Variants in CAV2 observed in about 807,000 individuals in gnomAD.
The protein encoded by CAV2 is caveolin 2, also known as caveolin-2.
In CAV2, 7 loss-of-function variants were observed where a neutral mutation model predicts 15.5. That is an observed-to-expected ratio of 0.45 (90% CI 0.26 to 0.85). CAV2 has a LOEUF of 0.85. Among genes scored for constraint, CAV2 ranks in the 40% least tolerant of loss-of-function variants. The probability of loss-of-function intolerance (pLI) is 0.18; values close to 1 mark genes in which losing one functional copy is unlikely to be tolerated. For missense variants in CAV2, 229 were observed against 208.8 expected (o/e 1.10, Z -0.60); for synonymous variants, 76 against 83.1 (o/e 0.91, Z 0.46).
intron 2 of CAV2, chr7:116,501,395 C>A (rs1793101292): frequency 6.6e-6 from 1 of 152,328 alleles, no homozygotes; most frequent in Non-Finnish European, 1.5e-5. Flanking sequence ...CCCAAGGTAC[C>A]TCCGTGTCTT....
rs1016582256 is a variant in CAV2 at position 116,508,533 on chromosome 7, A to G, written c.*2412A>G. The G allele has an allele frequency of 2.6e-5, 4 of 152,214 alleles. No individual in the cohort carries two copies. The highest frequency in any genetic ancestry group is 4.4e-5 in the Non-Finnish European group (3 of 68,038). The allele number at this position is 152,214 out of a possible 1,614,324, so 9.4% of individuals were successfully genotyped here. On this transcript the variant is annotated 3_prime_UTR_variant, in exon 3 of 3. Transcript: ENST00000222693. ...TCTCGGAATTCATAATAAATTTTCT[A>G]AAAGCCTACAAATGTGTGTATTGCT...
In CAV2 at chr7:116,506,160, T is replaced by C. The variant is rs1352698288; in HGVS notation, c.*39T>C. 1 of 1,602,696 alleles carries C rather than the reference T, an allele frequency of 6.2e-7. No homozygotes were observed. Among genetic ancestry groups the C allele is most frequent in the Non-Finnish European group, 8.5e-7 (1 of 1,170,300 alleles). On this transcript the variant is annotated 3_prime_UTR_variant, in exon 3 of 3. Transcript: ENST00000222693. ...AGGTCTGGAGATTGGGATACTGTAA[T>C]ACTTCTTTGTTATTATAACATAAAA...
chr7:116,505,396 C>G (rs960789918), intron 2 of CAV2, among the ~76,000 whole-genome samples: 3 of 152,260 alleles, frequency 2.0e-5, no homozygotes, highest in African/African-American at 7.2e-5. Context: ...ATTTTTTGTG[C>G]ATCTTATCAC....
rs1372688774 is a variant in CAV2 at position 116,500,526 on chromosome 7, T to C, written c.338+79T>C. ...CGCCACCTGCCCCCTACTCTCCTCTTATCCCAGGCCGGCGTCAGGAGGAGG... is the reference window on the plus strand; with the variant it reads ...CGCCACCTGCCCCCTACTCTCCTCTCATCCCAGGCCGGCGTCAGGAGGAGG... On this transcript the variant is annotated intron_variant, in intron 2 of 2. Transcript: ENST00000222693. 3.9e-5 allele frequency: 54 copies of C among 1,401,518 alleles called. 1 individual carries two copies. The highest frequency in any genetic ancestry group is 7.8e-6 in the Non-Finnish European group (8 of 1,019,644). The allele number at this position is 1,401,518 out of a possible 1,614,324, so 86.8% of individuals were successfully genotyped here.
chr7:116,507,815 G>T lies in CAV2; in HGVS notation c.*1694G>T, dbSNP rs1028774716. On this transcript the variant is annotated 3_prime_UTR_variant, in exon 3 of 3. Coordinates refer to ENST00000222693, the MANE Select transcript of CAV2 (RefSeq NM_001233.5). Reference sequence around the variant, plus strand: ...AAAGTGTGTAAATGCTTAAATTTCAGAATTACCATCAGAACCTCAATTGAC... The same window carrying T: ...AAAGTGTGTAAATGCTTAAATTTCATAATTACCATCAGAACCTCAATTGAC... 3.3e-5 allele frequency: 5 copies of T among 152,100 alleles called. No individual in the cohort carries two copies. The East Asian group carries it at 5.8e-4, about 18-fold the overall frequency. 9.4% of individuals were successfully genotyped at this position (152,100 alleles called of 1,614,324 possible).
Position 116,506,546 on chromosome 7 carries a change from T to C in CAV2, c.*425T>C, listed in dbSNP as rs1422507387. On this transcript the variant is annotated 3_prime_UTR_variant, in exon 3 of 3. Transcript: ENST00000222693. ...TGGGAGTAATACTTTTTAAATTACC[T>C]TTACATATATAGTCACTGGCATACT... The C allele has an allele frequency of 6.4e-6, 1 of 156,396 alleles. No homozygotes were observed. The highest frequency in any genetic ancestry group is 1.4e-5 in the Non-Finnish European group (1 of 70,982). 9.7% of individuals were successfully genotyped at this position (156,396 alleles called of 1,614,324 possible).
chr7:116,505,619 T>C (rs1793214925), intron 2 of CAV2, among the ~76,000 whole-genome samples: 1 of 152,092 alleles, frequency 6.6e-6, no homozygotes, highest in Non-Finnish European at 1.5e-5. Flanking sequence ...AGAGAGAGAA[T>C]GTGGAGGTCC....
In CAV2 at chr7:116,500,300, A is replaced by G; in HGVS notation, c.191A>G (p.His64Arg). ...EDVIAEPVTT[H>R]SFDKVWICSH... ...GTGATCGCAGAGCCGGTGACTACGC[A>G]CTCCTTTGACAAAGTGTGGATCTGC... Residue 64 changes from histidine to arginine, a missense_variant, in exon 2 of 3, where the codon CAC (histidine) becomes CGC (arginine). Coordinates refer to ENST00000222693, the MANE Select transcript of CAV2 (RefSeq NM_001233.5). 6.2e-7 allele frequency: 1 copy of G among 1,614,082 alleles called. No individual in the cohort carries two copies. Among genetic ancestry groups the G allele is most frequent in the African/African-American group, 1.3e-5 (1 of 75,028 alleles).
At chr7:116,500,792 G>C (rs1297368945) in intron 2 of CAV2, 1 of 247,650 alleles carries the variant, frequency 4.0e-6, no homozygotes, top group Non-Finnish European at 7.8e-6. Flanking sequence ...CTGCGGTTCT[G>C]GGCAGGACTC....
At chr7:116,500,620 A>G (rs573090027) in intron 2 of CAV2, 173 bp downstream of exon 2, 3 of 610,906 alleles carry the variant, frequency 4.9e-6, no homozygotes, top group Admixed American at 3.1e-5. Context: ...TTCCTTTAGA[A>G]TAACAGTTTG....
At chr7:116,502,619 T>C (rs187153204) in intron 2 of CAV2, among the ~76,000 whole-genome samples, 56 of 152,332 alleles carry the variant, frequency 3.7e-4, no homozygotes, top group African/African-American at 1.3e-3. Flanking sequence ...TATATATTTT[T>C]TAAAGCAGGG....
At position 116,500,250 on chromosome 7, in the gene CAV2, G is replaced by A. The variant is rs1793064900; in HGVS notation, c.151-10G>A. ...TGACAGTTCGGGGTCCCTGCGTCCT[G>A]TCTCCTCAGCTGGGCTTCGAGGATG... On this transcript the variant is annotated splice_polypyrimidine_tract_variant and intron_variant, in intron 1 of 2. Transcript: ENST00000222693. 18 of 1,611,990 alleles carry A rather than the reference G, an allele frequency of 1.1e-5. No homozygotes were observed. The highest frequency in any genetic ancestry group is 1.4e-5 in the Non-Finnish European group (17 of 1,178,834).
At chr7:116,503,343 G>T (rs1365688966) in intron 2 of CAV2, among the ~76,000 whole-genome samples, 4 of 151,914 alleles carry the variant, frequency 2.6e-5, no homozygotes, top group Non-Finnish European at 4.4e-5. Context: ...CAAAATGAGG[G>T]AACACAAGTA....
chr7:116,499,781 G>A lies in CAV2; in HGVS notation c.-1G>A. The A allele has an allele frequency of 6.4e-7, 1 of 1,553,164 alleles. No individual in the cohort carries two copies. On this transcript the variant is annotated 5_prime_UTR_variant, in exon 1 of 3. Transcript: ENST00000222693. ...TGCAGCGGCCGCGCACCAAGGCTGC[G>A]ATGGGGCTGGAGACGGAGAAGGCGG...
chr7:116,500,911 C>T (rs1048338809), intron 2 of CAV2: 1 of 158,178 alleles, frequency 6.3e-6, no homozygotes, highest in East Asian at 1.9e-4. Context: ...GGATGTCAGA[C>T]CTGGTTAAGC....
intron 2 of CAV2, among the ~76,000 whole-genome samples, chr7:116,501,663 T>C (rs1793107768): frequency 6.6e-6 from 1 of 152,110 alleles, no homozygotes; most frequent in Non-Finnish European, 1.5e-5. Context: ...GGTACAGAGA[T>C]GGACGCTGAG....
intron 1 of CAV2, 142 bp downstream of exon 1, chr7:116,500,073 C>G: frequency 6.8e-7 from 1 of 1,470,294 alleles, no homozygotes; most frequent in East Asian, 2.4e-5. Flanking sequence ...CCGGTCCCAC[C>G]CGTCACCAGG....
At chr7:116,504,860 C>T (rs1243549707) in intron 2 of CAV2, among the ~76,000 whole-genome samples, 1 of 152,146 alleles carries the variant, frequency 6.6e-6, no homozygotes, top group Middle Eastern at 3.2e-3. Context: ...TGTAAAAGTT[C>T]TAACATCATT....
intron 2 of CAV2, chr7:116,500,655 G>T: frequency 1.8e-6 from 1 of 569,168 alleles, no homozygotes; most frequent in East Asian, 2.9e-5. Flanking sequence ...ACAGGAGAAA[G>T]AATGTCGGTC....
Sources: gnomAD v4.1 joint callset for allele counts (sites outside exome capture counted in the v4.1 genomes callset) on GRCh38, gnomAD v4.1.1 for gene constraint, MANE v1.5 for transcripts, NCBI Gene and HGNC (gene_info 2026-07-23, HGNC 2026-07-21) for gene names.